The following KCNT1 variants were observed in gnomAD, a reference collection of about 807,000 sequenced individuals.
KCNT1 encodes potassium sodium-activated channel subfamily T member 1.
In KCNT1, 78 loss-of-function variants were observed where a neutral mutation model predicts 147.8. The ratio of observed to expected loss-of-function variants is 0.53; its 90% CI spans 0.44 to 0.64. The LOEUF is 0.64. Ranked by LOEUF, KCNT1 falls within the 30% of genes least tolerant of loss-of-function variation. KCNT1 has a pLI of 0.00. For missense variants in KCNT1, 1,419 were observed against 1,750.3 expected (o/e 0.81, Z 3.38); for synonymous variants, 867 against 748.8 (o/e 1.16, Z -2.58).
intron 2 of KCNT1, among the ~76,000 whole-genome samples, chr9:135,747,034 C>T (rs761492163): frequency 4.6e-5 from 7 of 151,968 alleles, no homozygotes; most frequent in Non-Finnish European, 8.8e-5. Flanking sequence ...TGGGGCTGGA[C>T]GGCTGCCAGC....
rs920935408 is a variant in KCNT1 at position 135,768,733 on chromosome 9, G to T, written c.1401+60G>T. On this transcript the variant is annotated intron_variant, in intron 14 of 30. Transcript: ENST00000371757. The stretch of plus-strand genomic sequence containing the variant: ...GGCACCGTGGGGCCGGGGAGCGGGG[G>T]TCCCTGAGGGAAGAGACCTGCCCCA... The T allele has an allele frequency of 9.8e-6, 15 of 1,533,308 alleles. No individual in the cohort carries two copies. The African/African-American group carries it at 1.2e-4, about 13-fold the overall frequency. The allele number at this position is 1,533,308 out of a possible 1,614,324, so 95.0% of individuals were successfully genotyped here.
chr9:135,722,646 G>A (rs1835969642), intron 2 of KCNT1, among the ~76,000 whole-genome samples: 1 of 152,240 alleles, frequency 6.6e-6, no homozygotes, highest in African/African-American at 2.4e-5. Context: ...TCTGGAGGCT[G>A]GAAGCCCAGG....
rs534066091 is a variant in KCNT1 at position 135,723,915 on chromosome 9, C to T, written c.254+9195C>T. 2.3e-3 allele frequency among the ~76,000 whole-genome samples: 348 copies of T among 152,350 alleles called. 2 individuals are homozygous for T. The highest frequency in any genetic ancestry group is 8.2e-3 in the African/African-American group (340 of 41,590). On this transcript the variant is annotated intron_variant, in intron 2 of 30. Transcript: ENST00000371757. ...CGCCATGGCTCAGCGCAGCCCCGTC[C>T]CAGACCAGTGTCCGTTCCCCTGAGG... is the stretch of plus-strand genomic sequence containing the variant.
At position 135,758,921 on chromosome 9, in the gene KCNT1, G is replaced by A. The variant is rs1263671373; in HGVS notation, c.854+413G>A. ...CAGCCCACCCAGGCATGCCCACTGT[G>A]CCCACCTGCCTGTGTCCTCGTGGAG... On this transcript the variant is annotated intron_variant, in intron 10 of 30. Transcript: ENST00000371757. Among the ~76,000 whole-genome samples, 8 of 151,192 alleles carry A rather than the reference G, an allele frequency of 5.3e-5. No individual in the cohort carries two copies. The South Asian group carries it at 1.7e-3, about 31-fold the overall frequency.
chr9:135,784,184 C>CA, intron 25 of KCNT1, 59 bp downstream of exon 25: 9 of 1,290,280 alleles, frequency 7.0e-6, no homozygotes, highest in Non-Finnish European at 1.0e-5. Context: ...GTCATGCCCT[C>CA]AGCTCTTCAG....
chr9:135,784,374 C>A (rs1460035127), intron 25 of KCNT1, among the ~76,000 whole-genome samples, 161 bp from the exon 26 acceptor site: 1 of 152,060 alleles, frequency 6.6e-6, no homozygotes, highest in Non-Finnish European at 1.5e-5. Context: ...TCATGTGGTG[C>A]TTGGGGACCT....
chr9:135,782,585 C>T (rs1482568550), intron 24 of KCNT1, among the ~76,000 whole-genome samples: 4 of 152,238 alleles, frequency 2.6e-5, no homozygotes, highest in African/African-American at 9.6e-5. Flanking sequence ...ATGGCACCCG[C>T]TCAGCCCCTG....
rs570798802 is a variant in KCNT1, at chr9:135,776,364, C to T, written c.2349+949C>T. Among the ~76,000 whole-genome samples the T allele has an allele frequency of 4.6e-5, 7 of 152,214 alleles. No homozygotes were observed. In the South Asian group the frequency reaches 1.5e-3, roughly 32 times the overall value. ...CCTCCACCTCCCAGGCTCAAGGGGT[C>T]CTCCCACCTCAGCCTCCCAAGTGGC... On this transcript the variant is annotated intron_variant, in intron 20 of 30. Coordinates refer to ENST00000371757, the MANE Select transcript of KCNT1 (RefSeq NM_020822.3).
intron 30 of KCNT1, 60 bp from the exon 31 acceptor site, chr9:135,791,981 G>A: frequency 1.2e-6 from 2 of 1,605,608 alleles, no homozygotes; most frequent in African/African-American, 1.3e-5. Flanking sequence ...GCTCAGCAGA[G>A]GGCTGAGCAG....
intron 29 of KCNT1, among the ~76,000 whole-genome samples, chr9:135,786,754 C>T (rs777112707): frequency 2.0e-5 from 3 of 152,256 alleles, no homozygotes; most frequent in Admixed American, 6.5e-5. Context: ...GGCCATGGCC[C>T]ACCCTGGTGC....
rs956849358 is a variant in KCNT1 at position 135,730,871 on chromosome 9, A to G, written c.254+16151A>G. Among the ~76,000 whole-genome samples the G allele has an allele frequency of 3.3e-5, 5 of 151,848 alleles. No individual in the cohort carries two copies. Among genetic ancestry groups the G allele is most frequent in the Admixed American group, 2.0e-4 (3 of 15,238 alleles). On this transcript the variant is annotated intron_variant, in intron 2 of 30. Transcript: ENST00000371757. The surrounding 1 kb of genome is among the most constrained non-coding windows in gnomAD (Gnocchi z 4.7). Reference sequence around the variant, plus strand: ...CATGGTGGTGCATGCCTGTAGTCCCAGCTACTTGGGAAGCTGAGGCAGGAG... The same window carrying G: ...CATGGTGGTGCATGCCTGTAGTCCCGGCTACTTGGGAAGCTGAGGCAGGAG...
Position 135,750,105 on chromosome 9 carries a change from G to A in KCNT1, c.262G>A (p.Val88Met), listed in dbSNP as rs746788900. ...PSFQNDDRVQ[V>M]EFYVNENTFK... ...CCCTCTCTGCTTCTTCAGGGTCCAG[G>A]TGGAGTTCTACGTCAACGAGAACAC... The change falls in exon 3 of 31, where the codon GTG becomes ATG. Residue 88 changes from valine to methionine, a missense_variant. Coordinates refer to ENST00000371757, the MANE Select transcript of KCNT1 (RefSeq NM_020822.3). 5 of 1,613,614 alleles carry A rather than the reference G, an allele frequency of 3.1e-6. No individual in the cohort carries two copies. The highest frequency in any genetic ancestry group is 2.2e-5 in the South Asian group (2 of 91,074).
At chr9:135,708,273 T>TATGCATACATGCACATTGTACATAC (rs1835338609) in intron 1 of KCNT1, among the ~76,000 whole-genome samples, 2 of 152,234 alleles carry the variant, frequency 1.3e-5, no homozygotes, top group African/African-American at 4.8e-5. Context: ...CATGTACATG[T>TATGCATACATGCACATTGTACATAC]ATGCATACAT....
At chr9:135,713,973 GC>G (rs558652479) in intron 1 of KCNT1, among the ~76,000 whole-genome samples, 254 of 152,256 alleles carry the variant, frequency 1.7e-3, no homozygotes, top group African/African-American at 6.0e-3. Context: ...GGGCCTGGCA[GC>G]CCCCCGGGGT....
intron 2 of KCNT1, among the ~76,000 whole-genome samples, chr9:135,722,325 A>C (rs1835958458): frequency 6.6e-6 from 1 of 152,210 alleles, no homozygotes; most frequent in South Asian, 2.1e-4. Context: ...ACACGGCTTC[A>C]TCACCAAGCC....
chr9:135,763,582 G>T (rs1204731462), intron 11 of KCNT1, among the ~76,000 whole-genome samples: 1 of 152,164 alleles, frequency 6.6e-6, no homozygotes, highest in Non-Finnish European at 1.5e-5. Context: ...CCTCTCTCCA[G>T]CTTCTGGTGG....
At chr9:135,760,844 A>G (rs1309198621) in intron 11 of KCNT1, among the ~76,000 whole-genome samples, 1 of 152,216 alleles carries the variant, frequency 6.6e-6, no homozygotes, top group Non-Finnish European at 1.5e-5. Context: ...TCCACCGTCC[A>G]GTGCCACGAG....
intron 17 of KCNT1, 58 bp from the exon 18 acceptor site, chr9:135,770,799 G>A: frequency 6.9e-7 from 1 of 1,442,094 alleles, no homozygotes; most frequent in Non-Finnish European, 9.5e-7. Context: ...AGGGCAGGCA[G>A]GGAGCGGGAC....
intron 2 of KCNT1, among the ~76,000 whole-genome samples, chr9:135,744,817 C>T (rs2131391940): frequency 6.6e-6 from 1 of 152,328 alleles, no homozygotes; most frequent in East Asian, 1.9e-4. Flanking sequence ...CCTGCTGTGT[C>T]TGGGACCCCC....
Sources: allele counts gnomAD v4.1 joint callset (sites outside exome capture counted in the v4.1 genomes callset), GRCh38; gene constraint gnomAD v4.1.1; non-coding constraint Gnocchi (gnomAD v3.1); transcripts MANE v1.5; gene names NCBI Gene and HGNC (gene_info 2026-07-23, HGNC 2026-07-21).